Variants in WDPCP observed in about 807,000 individuals in gnomAD.
WDPCP encodes the protein WD repeat-containing and planar cell polarity effector protein fritz homolog.
WDPCP carries 71 observed loss-of-function variants against 93.1 expected under a neutral mutation model. The ratio of observed to expected loss-of-function variants is 0.76; its 90% CI spans 0.63 to 0.93. The LOEUF (loss-of-function observed/expected upper bound fraction) is 0.93. Among genes scored for constraint, WDPCP ranks in the 40% least tolerant of loss-of-function variants. WDPCP has a pLI of 0.00. For missense variants in WDPCP, 844 were observed against 887.4 expected (o/e 0.95, Z 0.62); for synonymous variants, 315 against 315.0 (o/e 1.00, Z 0.00).
rs183783066 is a variant in WDPCP at position 63,325,837 on chromosome 2, C to T, written c.1749-12526G>A. On this transcript the variant is annotated intron_variant, in intron 12 of 17. Transcript: ENST00000272321. ...GGGCAGTGGAAGGAACAAACTGAAG[C>T]TCCAGCTTTAAGCCTTCCCACAGGA... 2.6e-5 allele frequency among the ~76,000 whole-genome samples: 4 copies of T among 152,334 alleles called. No individual in the cohort carries two copies. The East Asian group carries it at 7.7e-4, about 29-fold the overall frequency.
At chr2:63,776,116 T>TACATACAC (rs1216798333) in intron 2 of WDPCP, among the ~76,000 whole-genome samples, 3 of 146,922 alleles carry the variant, frequency 2.0e-5, no homozygotes, top group Non-Finnish European at 4.5e-5. Context: ...CATACATACA[T>TACATACAC]ACACAAGTTG....
intron 2 of WDPCP, among the ~76,000 whole-genome samples, chr2:63,779,638 C>T (rs1480493982): frequency 2.0e-5 from 3 of 152,068 alleles, no homozygotes; most frequent in Admixed American, 6.6e-5. Context: ...TCTCTAGGTG[C>T]GTATATCCTT....
At chr2:63,722,480 C>A (rs1210563144) in intron 2 of WDPCP, among the ~76,000 whole-genome samples, 145 of 136,610 alleles carry the variant, frequency 1.1e-3, no homozygotes, top group Non-Finnish European at 1.0e-3. Flanking sequence ...AAGTGAGGAG[C>A]CCCTCCGCCC....
chr2:63,322,900 G>A (rs1017114223), intron 12 of WDPCP, among the ~76,000 whole-genome samples: 4 of 152,200 alleles, frequency 2.6e-5, no homozygotes, highest in African/African-American at 7.2e-5. Context: ...TAAATACCAG[G>A]CACCTGTCGG....
rs1034054530 is a variant in WDPCP, at chr2:63,380,753, G to A, written c.1624+1153C>T. Reference sequence around the variant, plus strand: ...AAAAAGAAAAATATCGGAATTTCCCGAGATAAATTTTGACTACCTCCAAAA... The same window carrying A: ...AAAAAGAAAAATATCGGAATTTCCCAAGATAAATTTTGACTACCTCCAAAA... On this transcript the variant is annotated intron_variant, in intron 11 of 17. Transcript: ENST00000272321. Among the ~76,000 whole-genome samples, 11 of 152,036 alleles carry A rather than the reference G, an allele frequency of 7.2e-5. No homozygotes were observed. The South Asian group carries it at 1.0e-3, about 14-fold the overall frequency.
At chr2:63,324,003 T>G (rs1687330671) in intron 12 of WDPCP, among the ~76,000 whole-genome samples, 1 of 152,024 alleles carries the variant, frequency 6.6e-6, no homozygotes, top group Non-Finnish European at 1.5e-5. Context: ...ACCTTTGAAA[T>G]GCATCCTAAG....
At chr2:63,346,014 C>A (rs548633262) in intron 12 of WDPCP, among the ~76,000 whole-genome samples, 1 of 152,130 alleles carries the variant, frequency 6.6e-6, no homozygotes, top group Non-Finnish European at 1.5e-5. Context: ...AATAGGGGAG[C>A]ACCTCTCGGA....
intron 12 of WDPCP, among the ~76,000 whole-genome samples, chr2:63,377,192 T>C (rs1191932986): frequency 6.6e-6 from 1 of 151,874 alleles, no homozygotes; most frequent in Non-Finnish European, 1.5e-5. Context: ...AAGCCACTTA[T>C]CTATGCCTCA....
chr2:63,313,323 A>G lies in WDPCP; in HGVS notation c.1749-12T>C. The G allele has an allele frequency of 6.2e-7, 1 of 1,611,544 alleles. No homozygotes were observed. The highest frequency in any genetic ancestry group is 1.3e-5 in the African/African-American group (1 of 74,972). On this transcript the variant is annotated splice_polypyrimidine_tract_variant and intron_variant, in intron 12 of 17. Transcript: ENST00000272321. ...CAAACCTCTGGTACCTACAAGGCAG[A>G]AAAAAATATTATGTTAGTTGTGAAC... is the stretch of plus-strand genomic sequence containing the variant.
chr2:63,194,748 C>A (rs1184170554), intron 14 of WDPCP, among the ~76,000 whole-genome samples: 1 of 152,040 alleles, frequency 6.6e-6, no homozygotes, highest in Non-Finnish European at 1.5e-5. Flanking sequence ...GTTTCAGTGT[C>A]TATATATTAT....
At chr2:63,578,818 G>A (rs879769697) in intron 1 of WDPCP, among the ~76,000 whole-genome samples, 5 of 152,194 alleles carry the variant, frequency 3.3e-5, no homozygotes, top group Non-Finnish European at 5.9e-5. Flanking sequence ...AACATTTTGA[G>A]ATTCTAGAAT....
At chr2:63,302,319 A>T (rs1685391453) in intron 13 of WDPCP, among the ~76,000 whole-genome samples, 1 of 152,198 alleles carries the variant, frequency 6.6e-6, no homozygotes, top group African/African-American at 2.4e-5. Context: ...ATAGTGGGCC[A>T]AAAGAGAAAA....
chr2:63,282,365 C>T (rs1378828629), intron 13 of WDPCP, among the ~76,000 whole-genome samples: 3 of 151,992 alleles, frequency 2.0e-5, no homozygotes, highest in Non-Finnish European at 4.4e-5. Context: ...ATTAGCTGGG[C>T]GTGGTGGTGC....
At chr2:63,299,745 C>G (rs1382299677) in intron 13 of WDPCP, among the ~76,000 whole-genome samples, 2 of 152,206 alleles carry the variant, frequency 1.3e-5, no homozygotes, top group East Asian at 3.9e-4. Flanking sequence ...AACTCCAGTC[C>G]CCTTCCATAG....
At chr2:63,138,446 A>G (rs571760920) in intron 17 of WDPCP, among the ~76,000 whole-genome samples, 1 of 150,296 alleles carries the variant, frequency 6.7e-6, no homozygotes, top group South Asian at 2.1e-4. Flanking sequence ...TGGTTACATG[A>G]GTAAGTTCTT....
At chr2:63,589,404 G>T, upstream of WDPCP, 1 of 1,548,948 alleles carries the variant, frequency 6.5e-7, no homozygotes, top group Non-Finnish European at 8.7e-7. Context: ...GGGAGGGAAA[G>T]GTTGGGTCCT....
At chr2:63,714,357 C>T (rs1238773548) in intron 2 of WDPCP, among the ~76,000 whole-genome samples, 1 of 152,062 alleles carries the variant, frequency 6.6e-6, no homozygotes, top group Non-Finnish European at 1.5e-5. Flanking sequence ...CTTGAGCCAC[C>T]GCGCCTGGCC....
chr2:63,669,383 T>G (rs1017228252), intron 2 of WDPCP, among the ~76,000 whole-genome samples: 1 of 150,866 alleles, frequency 6.6e-6, no homozygotes, highest in Non-Finnish European at 1.5e-5. Flanking sequence ...TTTTTGAGAC[T>G]AAGTCTCACT....
At chr2:63,753,012 T>C (rs985540606) in intron 2 of WDPCP, among the ~76,000 whole-genome samples, 1 of 152,156 alleles carries the variant, frequency 6.6e-6, no homozygotes, top group Non-Finnish European at 1.5e-5. Flanking sequence ...GATTTCTTAA[T>C]ATTCTTTATT....
Sources: allele counts gnomAD v4.1 joint callset (sites outside exome capture counted in the v4.1 genomes callset), GRCh38; gene constraint gnomAD v4.1.1; transcripts MANE v1.5; gene names NCBI Gene and HGNC (gene_info 2026-07-23, HGNC 2026-07-21).